The following THRAP3 variants were observed in gnomAD, a reference collection of about 807,000 sequenced individuals.
THRAP3 encodes the protein thyroid hormone receptor-associated protein 3.
In THRAP3, 16 loss-of-function variants were observed where a neutral mutation model predicts 101.0. The ratio of observed to expected loss-of-function variants is 0.16; its 90% confidence interval spans 0.11 to 0.24. The LOEUF is 0.24. THRAP3 is among the 10% of genes least tolerant of loss of function. THRAP3 has a pLI of 1.00. For missense variants in THRAP3, 989 were observed against 1,202.7 expected, an observed-to-expected ratio of 0.82 and a Z score of 2.63; for synonymous variants, 407 against 422.6, an observed-to-expected ratio of 0.96 and a Z score of 0.45.
intron 1 of THRAP3, among the ~76,000 whole-genome samples, chr1:36,230,066 T>C (rs990571981): frequency 1.3e-5 from 2 of 151,046 alleles, no homozygotes; most frequent in African/African-American, 4.9e-5. Flanking sequence ...GCGATTGTCC[T>C]GCGTCAGCCT....
chr1:36,289,755 A>G lies in THRAP3; in HGVS notation c.1736A>G (p.Asp579Gly). The stretch of plus-strand genomic sequence containing the variant: ...GTCCGGATGGACTCTTTTGATGAGG[A>G]CCTCGCACGGTGAGATATGCTCCTT... ...VNVRMDSFDE[D>G]LARPSGLLAQ... is the part of the protein sequence containing the mutation. The change falls in exon 5 of 12, where the codon GAC becomes GGC. Residue 579 changes from aspartate (D) to glycine (G), a missense_variant. Asp to Gly is a moderately conservative substitution (Grantham distance 94). Transcript: ENST00000354618. The G allele has an allele frequency of 3.7e-6, 6 of 1,604,440 alleles. No individual in the cohort carries two copies. The highest frequency in any genetic ancestry group is 5.1e-6 in the Non-Finnish European group (6 of 1,175,812).
chr1:36,298,008 A>C (rs890951266), intron 9 of THRAP3, among the ~76,000 whole-genome samples: 3 of 150,760 alleles, frequency 2.0e-5, no homozygotes, highest in African/African-American at 7.3e-5. Context: ...TTAGCCGGGC[A>C]TGGTGGCGTG....
At chr1:36,301,166 G>A (rs192791111) in intron 10 of THRAP3, 82 bp downstream of exon 10, 4 of 1,405,418 alleles carry the variant, frequency 2.8e-6, no homozygotes, top group Non-Finnish European at 3.9e-6. Context: ...TACCAGTTTT[G>A]TTGCCTTTGA....
chr1:36,235,312 T>G (rs1264218517), intron 1 of THRAP3, among the ~76,000 whole-genome samples: 1 of 152,164 alleles, frequency 6.6e-6, no homozygotes, highest in Non-Finnish European at 1.5e-5. Flanking sequence ...ATAGATTGTT[T>G]GGTAACTATT....
In THRAP3 at chr1:36,289,596, A is replaced by G; in HGVS notation, c.1577A>G (p.Tyr526Cys). Reference sequence around the variant, plus strand: ...GAGAAGAATTTCCGAGTGACTGCTTATAAAGCAGTCCAGGAGAAAAGCTCA... The same window carrying G: ...GAGAAGAATTTCCGAGTGACTGCTTGTAAAGCAGTCCAGGAGAAAAGCTCA... ...VPEKNFRVTA[Y>C]KAVQEKSSSP... Residue 526 changes from tyrosine (Y) to cysteine (C), a missense_variant, in exon 5 of 12, where the codon TAT becomes TGT. Physicochemically the swap from Tyr to Cys is radical, Grantham distance 194. Transcript: ENST00000354618. The G allele has an allele frequency of 5.6e-6, 9 of 1,614,126 alleles. No individual in the cohort carries two copies. The highest frequency in any genetic ancestry group is 7.6e-6 in the Non-Finnish European group (9 of 1,179,962).
intron 2 of THRAP3, among the ~76,000 whole-genome samples, chr1:36,271,192 T>G (rs553994716): frequency 1.3e-5 from 2 of 152,352 alleles, no homozygotes; most frequent in Middle Eastern, 3.4e-3. Context: ...ATTTTTAAAG[T>G]AAGTTCTACC....
In THRAP3 at chr1:36,304,555, T is replaced by G. The variant is rs1199150527; in HGVS notation, c.*538T>G. Reference sequence around the variant, plus strand: ...AAAACAAAAGCATGTGAATAAACTTTGAAGTGTTCACCTCAGTTTGGGACC... The same window carrying G: ...AAAACAAAAGCATGTGAATAAACTTGGAAGTGTTCACCTCAGTTTGGGACC... On this transcript the variant is annotated 3_prime_UTR_variant, in exon 12 of 12. Coordinates refer to ENST00000354618, the MANE Select transcript of THRAP3 (RefSeq NM_005119.4). 4.4e-6 allele frequency: 1 copy of G among 225,144 alleles called. No homozygotes were observed. Among genetic ancestry groups the G allele is most frequent in the Non-Finnish European group, 8.9e-6 (1 of 112,758 alleles). The allele number at this position is 225,144 out of a possible 1,614,324, so 13.9% of individuals were successfully genotyped here. A position where few individuals can be genotyped will look rare whatever the true frequency, so the allele number is the denominator to read the frequency against.
intron 1 of THRAP3, among the ~76,000 whole-genome samples, chr1:36,237,139 G>T (rs1289678571): frequency 6.6e-6 from 1 of 151,914 alleles, no homozygotes. Context: ...TCCAGCTTGG[G>T]CAATAAGAGT....
chr1:36,248,179 C>T lies in THRAP3; in HGVS notation c.-134-11203C>T, dbSNP rs115003994. The stretch of plus-strand genomic sequence containing the variant: ...ACAGGCATGAGCCACGGTGCCCAGC[C>T]TCCTTCATCTTTTAATATTTAAAAA... On this transcript the variant is annotated intron_variant, in intron 1 of 11. Coordinates refer to ENST00000354618, the MANE Select transcript of THRAP3 (RefSeq NM_005119.4). Among the ~76,000 whole-genome samples the T allele has an allele frequency of 5.7e-3, 862 of 152,174 alleles. 9 individuals are homozygous for T. The highest frequency in any genetic ancestry group is 0.019 in the African/African-American group (805 of 41,520).
chr1:36,249,937 A>G (rs1243749893), intron 1 of THRAP3, among the ~76,000 whole-genome samples: 1 of 152,122 alleles, frequency 6.6e-6, no homozygotes, highest in East Asian at 1.9e-4. Flanking sequence ...AGGACCTTTA[A>G]TTGGAGGAAT....
chr1:36,238,132 G>T (rs146899173), intron 1 of THRAP3, among the ~76,000 whole-genome samples: 1 of 152,082 alleles, frequency 6.6e-6, no homozygotes, highest in South Asian at 2.1e-4. Context: ...CGCGCCCGGC[G>T]ATTTAGCAAA....
At position 36,286,935 on chromosome 1, in the gene THRAP3, G is replaced by A; in HGVS notation, c.705G>A (p.Arg235=). Residue 235 remains arginine (R), a synonymous_variant, in exon 4 of 12, where the codon CGG becomes CGA. Coordinates refer to ENST00000354618, the MANE Select transcript of THRAP3 (RefSeq NM_005119.4). The surrounding 1 kb of genome is among the most constrained non-coding windows in gnomAD (Gnocchi z 5.5). The part of the protein sequence containing the change: ...DATYGTGSAS[R]ASAVSELSPR... ...CCTACGGCACTGGTTCTGCATCACG[G>A]GCCTCAGCAGTTTCTGAGCTGAGTC... 6.2e-7 allele frequency: 1 copy of A among 1,614,172 alleles called. No individual in the cohort carries two copies. Among genetic ancestry groups the A allele is most frequent in the Non-Finnish European group, 8.5e-7 (1 of 1,180,034 alleles).
At chr1:36,302,623 G>A (rs1573021) in intron 11 of THRAP3, among the ~76,000 whole-genome samples, 5,120 of 152,246 alleles carry the variant, frequency 0.034, 318 homozygotes, top group African/African-American at 0.12. Flanking sequence ...AGCAGCCATG[G>A]TCAGAAGAAG....
Position 36,289,114 on chromosome 1 carries a change from A to G in THRAP3, c.1095A>G (p.Thr365=), listed in dbSNP as rs1160846188. ...GAAAAGATAAGGAACAGAAACAAAC[A>G]AATACCGATAAAGAAAAAATAAAAG... ...ENGKDKEQKQ[T]NTDKEKIKEK... The change falls in exon 5 of 12, where the codon ACA becomes ACG. Residue 365 remains threonine (T), a synonymous_variant. Transcript: ENST00000354618. 6.2e-7 allele frequency: 1 copy of G among 1,610,362 alleles called. No individual in the cohort carries two copies. The highest frequency in any genetic ancestry group is 2.2e-5 in the East Asian group (1 of 44,874).
At chr1:36,276,181 G>T (rs1352265913) in intron 2 of THRAP3, among the ~76,000 whole-genome samples, 3 of 149,904 alleles carry the variant, frequency 2.0e-5, no homozygotes, top group Non-Finnish European at 4.4e-5. Context: ...GTCACACAAA[G>T]TACAAGCAAC....
chr1:36,262,326 T>C (rs1458425676), intron 2 of THRAP3, among the ~76,000 whole-genome samples: 1 of 152,238 alleles, frequency 6.6e-6, no homozygotes, highest in African/African-American at 2.4e-5. Flanking sequence ...TTCATACTTC[T>C]GAAGGAACAG....
rs187246084 is a variant in THRAP3, at chr1:36,254,342, C to T, written c.-134-5040C>T. On this transcript the variant is annotated intron_variant, in intron 1 of 11. Transcript: ENST00000354618. The stretch of plus-strand genomic sequence containing the variant: ...AATGTATGTTATATTCTTGGCATAT[C>T]TGTGGTGTCATTTCATAATAAACAC... Among the ~76,000 whole-genome samples the T allele has an allele frequency of 1.2e-3, 190 of 152,276 alleles. 1 individual carries two copies. The highest frequency in any genetic ancestry group is 4.0e-3 in the African/African-American group (167 of 41,544).
chr1:36,224,866 A>G (rs1488888030), intron 1 of THRAP3: 3 of 152,352 alleles, frequency 2.0e-5, no homozygotes, highest in Non-Finnish European at 4.4e-5. Context: ...GGAACTCCCG[A>G]GTGCCCTTCC....
At chr1:36,215,826 C>T in the THRAP3 span, among the ~76,000 whole-genome samples, 1 of 151,440 alleles carries the variant, frequency 6.6e-6, no homozygotes, top group African/African-American at 2.4e-5. Flanking sequence ...CTCAGCTCAA[C>T]GCAACCTCTG....
Sources: gnomAD v4.1 joint callset for allele counts (sites outside exome capture counted in the v4.1 genomes callset) on GRCh38, gnomAD v4.1.1 for gene constraint, Gnocchi (gnomAD v3.1) non-coding constraint, MANE v1.5 for transcripts, NCBI Gene and HGNC (gene_info 2026-07-23, HGNC 2026-07-21) for gene names.